Variants in CRAMP1 observed in about 807,000 individuals in gnomAD.
CRAMP1 encodes the protein cramped chromatin regulator 1, also known as protein cramped-like.
A neutral mutation model predicts 115.4 loss-of-function variants in CRAMP1; 50 were observed. That is an observed-to-expected ratio of 0.43 (90% CI 0.35 to 0.55). The LOEUF (loss-of-function observed/expected upper bound fraction) is 0.55. CRAMP1 is among the 20% of genes least tolerant of loss of function. The pLI is 0.01. For synonymous variants in CRAMP1, 866 were observed against 745.4 expected, an observed-to-expected ratio of 1.16 and a Z score of -2.64; for missense variants, 1,679 against 1,721.7, an observed-to-expected ratio of 0.98 and a Z score of 0.44.
In CRAMP1 at chr16:1,666,664, T is replaced by C; in HGVS notation, c.3036+64T>C. 2 of 1,473,312 alleles carry C rather than the reference T, an allele frequency of 1.4e-6. No homozygotes were observed. 91.3% of individuals were successfully genotyped at this position (1,473,312 alleles called of 1,614,324 possible). On this transcript the variant is annotated intron_variant, in intron 16 of 20. Coordinates refer to ENST00000397412, the MANE Select transcript of CRAMP1 (RefSeq NM_020825.4). This position sits in a 1 kb window ranked among gnomAD's most constrained non-coding sequence, Gnocchi z 5.0. ...ACTTCTGGTGTGGACGCCAAAGCCA[T>C]GGGGCTGAGATCACGCTGGACTCCA... is the stretch of plus-strand genomic sequence containing the variant.
intron 2 of CRAMP1, chr16:1,620,638 A>G: frequency 2.2e-6 from 1 of 457,286 alleles, no homozygotes; most frequent in Non-Finnish European, 4.4e-6. Context: ...TCACGTCCAG[A>G]CAGACATCTT....
intron 6 of CRAMP1, among the ~76,000 whole-genome samples, chr16:1,648,796 C>T (rs1048364655): frequency 2.1e-4 from 32 of 152,210 alleles, no homozygotes; most frequent in African/African-American, 4.8e-4. Flanking sequence ...CGGTGGCTCA[C>T]GCCTGTAATC....
chr16:1,636,561 G>C (rs972693395), intron 4 of CRAMP1, among the ~76,000 whole-genome samples: 1 of 152,152 alleles, frequency 6.6e-6, no homozygotes, highest in Admixed American at 6.5e-5. Context: ...TTGAGAACAG[G>C]TCTCTGAGGA....
intron 6 of CRAMP1, among the ~76,000 whole-genome samples, chr16:1,648,545 C>T (rs1275402080): frequency 6.6e-6 from 1 of 150,554 alleles, no homozygotes; most frequent in African/African-American, 2.5e-5. Flanking sequence ...GTGGAGCTTG[C>T]AGTGAGCCGA....
At chr16:1,660,647 C>T (rs1184784193) in intron 11 of CRAMP1, among the ~76,000 whole-genome samples, 2 of 152,196 alleles carry the variant, frequency 1.3e-5, no homozygotes, top group African/African-American at 2.4e-5. Flanking sequence ...GGCTTTCAAC[C>T]CATAGTATTT....
chr16:1,623,770 G>A (rs2036485304), intron 2 of CRAMP1, among the ~76,000 whole-genome samples: 1 of 152,344 alleles, frequency 6.6e-6, no homozygotes, highest in South Asian at 2.1e-4. Context: ...AATGGCATCT[G>A]TACCTGTCCA....
chr16:1,673,251 C>G (rs539924533), intron 20 of CRAMP1, among the ~76,000 whole-genome samples: 3 of 151,186 alleles, frequency 2.0e-5, no homozygotes, highest in Admixed American at 2.0e-4. Flanking sequence ...ACGTGCCCCC[C>G]ACCTGTCCTC....
At chr16:1,634,496 G>C (rs2036570743) in intron 4 of CRAMP1, among the ~76,000 whole-genome samples, 1 of 151,364 alleles carries the variant, frequency 6.6e-6, no homozygotes. Context: ...ACCTCTCGGT[G>C]GGGGGTCACA....
chr16:1,654,975 A>T (rs1347784634), intron 8 of CRAMP1, among the ~76,000 whole-genome samples: 1 of 152,264 alleles, frequency 6.6e-6, no homozygotes, highest in Non-Finnish European at 1.5e-5. Context: ...TTTTGCTGGC[A>T]AAGAATACTT....
At position 1,656,294 on chromosome 16, in the gene CRAMP1, C is replaced by A; in HGVS notation, c.1537C>A (p.Pro513Thr). 1 of 1,612,022 alleles carries A rather than the reference C, an allele frequency of 6.2e-7. No individual in the cohort carries two copies. The highest frequency in any genetic ancestry group is 8.5e-7 in the Non-Finnish European group (1 of 1,179,666). ...LSSPDAPDRP[P>T]PRHQDTGPCL... ...CAGCCCGGACGCTCCTGACAGGCCT[C>A]CTCCCAGGCACCAGGACACTGGGCC... is the stretch of plus-strand genomic sequence containing the variant. The change falls in exon 10 of 21, where the codon CCT becomes ACT. Residue 513 changes from proline to threonine, a missense_variant. This residue lies in a region of CRAMP1 where 405 missense variants were observed against 302.6 expected (regional missense o/e 1.34). Transcript: ENST00000397412. The surrounding 1 kb of genome is among the most constrained non-coding windows in gnomAD (Gnocchi z 5.6).
chr16:1,666,654 G>C lies in CRAMP1; in HGVS notation c.3036+54G>C. 3 of 1,524,054 alleles carry C rather than the reference G, an allele frequency of 2.0e-6. No homozygotes were observed. Among genetic ancestry groups the C allele is most frequent in the Non-Finnish European group, 2.7e-6 (3 of 1,102,768 alleles). 94.4% of individuals were successfully genotyped at this position (1,524,054 alleles called of 1,614,324 possible). Reference sequence around the variant, plus strand: ...ATTACCACCAACTTCTGGTGTGGACGCCAAAGCCATGGGGCTGAGATCACG... The same window carrying C: ...ATTACCACCAACTTCTGGTGTGGACCCCAAAGCCATGGGGCTGAGATCACG... On this transcript the variant is annotated intron_variant, in intron 16 of 20. Transcript: ENST00000397412. This position sits in a 1 kb window ranked among gnomAD's most constrained non-coding sequence, Gnocchi z 5.0.
At chr16:1,667,474 G>A (rs997726399) in intron 17 of CRAMP1, 74 bp downstream of exon 17, 1 of 1,220,382 alleles carries the variant, frequency 8.2e-7, no homozygotes, top group Admixed American at 1.7e-5. Flanking sequence ...GCTGCCACCT[G>A]CAGTCTTGGA....
intron 8 of CRAMP1, 100 bp downstream of exon 8, chr16:1,653,256 T>G: frequency 7.3e-7 from 1 of 1,364,266 alleles, no homozygotes; most frequent in Non-Finnish European, 1.0e-6. Flanking sequence ...GAGAAGCAGG[T>G]CCACCCCTAT....
intron 2 of CRAMP1, among the ~76,000 whole-genome samples, chr16:1,616,321 C>T (rs370055705): frequency 2.4e-4 from 37 of 152,256 alleles, no homozygotes; most frequent in East Asian, 1.7e-3. Flanking sequence ...ACCTTGAATC[C>T]AGCCGGCATT....
At chr16:1,665,857 G>A (rs1156639332) in intron 14 of CRAMP1, 9 of 565,768 alleles carry the variant, frequency 1.6e-5, no homozygotes, top group Admixed American at 6.2e-5. Context: ...TAGCTCCTGG[G>A]AGGCACAGTG....
rs1005152686 is a variant in CRAMP1, at chr16:1,672,813, C to T, written c.3646-1068C>T. ...CGTATTTGCTCATGGGACAAGATCC[C>T]GGTGCCGAGGCCCTCCCGTCCTCCG... On this transcript the variant is annotated intron_variant, in intron 20 of 20. Transcript: ENST00000397412. This position sits in a 1 kb window ranked among gnomAD's most constrained non-coding sequence, Gnocchi z 4.9. Among the ~76,000 whole-genome samples the T allele has an allele frequency of 5.3e-5, 8 of 152,194 alleles. No individual in the cohort carries two copies. Among genetic ancestry groups the T allele is most frequent in the Non-Finnish European group, 1.2e-4 (8 of 68,044 alleles).
Position 1,655,282 on chromosome 16 carries a change from G to T in CRAMP1, c.1101G>T (p.Ala367=), listed in dbSNP as rs202224041. 4 of 1,613,878 alleles carry T rather than the reference G, an allele frequency of 2.5e-6. No individual in the cohort carries two copies. Among genetic ancestry groups the T allele is most frequent in the African/African-American group, 1.3e-5 (1 of 75,056 alleles). ...SLIEFLKQKW[A]LHEVRVRKTL... ...TCGAATTCTTGAAGCAGAAGTGGGC[G>T]CTCCATGAGGTGCGAGTTGTATCCT... Residue 367 remains alanine, a synonymous_variant, in exon 9 of 21, where the codon GCG becomes GCT. Transcript: ENST00000397412.
intron 6 of CRAMP1, 44 bp downstream of exon 6, chr16:1,641,231 T>C (rs1375379069): frequency 7.1e-7 from 1 of 1,411,038 alleles, no homozygotes; most frequent in South Asian, 1.2e-5. Flanking sequence ...TCTGGGTGTT[T>C]TGTGTTTATT....
At chr16:1,662,334 T>C (rs2036839095) in intron 11 of CRAMP1, 156 bp from the exon 12 acceptor site, 1 of 628,948 alleles carries the variant, frequency 1.6e-6, no homozygotes, top group African/African-American at 1.8e-5. Flanking sequence ...AAAATCAGTC[T>C]TTATGTGGGA....
Sources: allele counts gnomAD v4.1 joint callset (sites outside exome capture counted in the v4.1 genomes callset), GRCh38; gene constraint gnomAD v4.1.1; regional missense constraint gnomAD v4.1.1; non-coding constraint Gnocchi (gnomAD v3.1); transcripts MANE v1.5; gene names NCBI Gene and HGNC (gene_info 2026-07-23, HGNC 2026-07-21).